TMPRSS2: variants seen among roughly 807,000 people sequenced by gnomAD.
The protein encoded by TMPRSS2 is transmembrane protease serine 2.
A neutral mutation model predicts 67.4 loss-of-function variants in TMPRSS2; 59 were observed. The ratio of observed to expected loss-of-function variants is 0.88; its 90% CI spans 0.71 to 1.09. The LOEUF is 1.09. Ranked by LOEUF, TMPRSS2 falls within the 50% of genes least tolerant of loss-of-function variation. The probability of loss-of-function intolerance (pLI) is 0.00; values close to 1 mark genes in which losing one functional copy is unlikely to be tolerated. For synonymous variants in TMPRSS2, 257 were observed against 257.0 expected, an observed-to-expected ratio of 1.00 and a Z score of 0.00; for missense variants, 668 against 642.7, an observed-to-expected ratio of 1.04 and a Z score of -0.43.
At chr21:41,468,589 A>G (rs375377276) in intron 11 of TMPRSS2, 51 bp from the exon 12 acceptor site, 63 of 1,603,520 alleles carry the variant, frequency 3.9e-5, no homozygotes, top group Non-Finnish European at 4.9e-5. Flanking sequence ...CAGCTCTCGC[A>G]GGGAGAGCAC....
intron 6 of TMPRSS2, 40 bp from the exon 7 acceptor site, chr21:41,479,322 T>A (rs2091239136): frequency 6.8e-7 from 1 of 1,472,308 alleles, no homozygotes. Context: ...GGTTAAGGCA[T>A]AAGCAAACAC....
rs577944614 is a variant in TMPRSS2 at position 41,491,134 on chromosome 21, G to C, written c.239-1541C>G. On this transcript the variant is annotated intron_variant, in intron 3 of 13. Transcript: ENST00000332149. Reference sequence around the variant, plus strand: ...AGATTCTGTTTCAGTTGGGGGTCGGGCATGAATCTGCATTGCATTTTTTTT... The same window carrying C: ...AGATTCTGTTTCAGTTGGGGGTCGGCCATGAATCTGCATTGCATTTTTTTT... Among the ~76,000 whole-genome samples, 23 of 150,042 alleles carry C rather than the reference G, an allele frequency of 1.5e-4. No homozygotes were observed. The South Asian group carries it at 4.6e-3, about 30-fold the overall frequency.
At position 41,508,090 on chromosome 21, in the gene TMPRSS2, T is replaced by A. The variant is rs1343011268; in HGVS notation, c.-66A>T. 8.1e-7 allele frequency: 1 copy of A among 1,238,180 alleles called. No homozygotes were observed. The highest frequency in any genetic ancestry group is 1.0e-6 in the Non-Finnish European group (1 of 971,562). 76.7% of individuals were successfully genotyped at this position (1,238,180 alleles called of 1,614,324 possible). A position where few individuals can be genotyped will look rare whatever the true frequency, so the allele number is the denominator to read the frequency against. On this transcript the variant is annotated 5_prime_UTR_variant, in exon 1 of 14. Coordinates refer to ENST00000332149, the MANE Select transcript of TMPRSS2 (RefSeq NM_005656.4). ...TACCGGCGCCGCTCACCTGCCGCGC[T>A]CCAGGCGGCGCTCCCCGCCCCTCGC...
At chr21:41,489,197 TG>T (rs2146468741) in intron 4 of TMPRSS2, among the ~76,000 whole-genome samples, 1 of 152,316 alleles carries the variant, frequency 6.6e-6, no homozygotes, top group South Asian at 2.1e-4. Context: ...GGGGTGGGCC[TG>T]GTCCCCAACA....
intron 1 of TMPRSS2, 69 bp downstream of exon 1, chr21:41,508,012 T>C (rs1019451298): frequency 7.4e-7 from 1 of 1,355,318 alleles, no homozygotes; most frequent in Non-Finnish European, 9.4e-7. Flanking sequence ...CATCGGCGGG[T>C]CCCAGGCGCC....
rs758503592 is a variant in TMPRSS2, at chr21:41,473,363, G to A, written c.861C>T (p.Thr287=). 2.5e-6 allele frequency: 4 copies of A among 1,609,302 alleles called. No homozygotes were observed. The highest frequency in any genetic ancestry group is 3.4e-6 in the Non-Finnish European group (4 of 1,179,004). The change falls in exon 9 of 14, where the codon ACC becomes ACT. Residue 287 remains threonine, a synonymous_variant. Coordinates refer to ENST00000332149, the MANE Select transcript of TMPRSS2 (RefSeq NM_005656.4). The part of the protein sequence containing the change: ...NVHVCGGSII[T]PEWIVTAAHC... ...GGGCGGCTGTCACGATCCACTCGGG[G>A]GTGATGATGGAGCCTCCGCACACGT... is the stretch of plus-strand genomic sequence containing the variant.
At chr21:41,480,393 C>A (rs734056) in intron 6 of TMPRSS2, 83 bp downstream of exon 6, 709,501 of 1,565,296 alleles carry the variant, frequency 0.45, 170,381 homozygotes, top group Non-Finnish European at 0.5. Flanking sequence ...TGTGCCGGTG[C>A]TTTCACAGGG....
chr21:41,471,685 G>A (rs2091134659), intron 10 of TMPRSS2, 121 bp downstream of exon 10: 5 of 1,190,608 alleles, frequency 4.2e-6, no homozygotes, highest in Non-Finnish European at 5.8e-6. Context: ...GCCACCCGCT[G>A]CACGCTACCC....
At position 41,465,968 on chromosome 21, in the gene TMPRSS2, G is replaced by A. The variant is rs2091079835; in HGVS notation, c.*174C>T. Reference sequence around the variant, plus strand: ...GGTTAGGGAGAGCAGGCTGGGCAGGGGAGCCACTGCAGCCTGCACAGAATG... The same window carrying A: ...GGTTAGGGAGAGCAGGCTGGGCAGGAGAGCCACTGCAGCCTGCACAGAATG... On this transcript the variant is annotated 3_prime_UTR_variant, in exon 14 of 14. Transcript: ENST00000332149. The A allele has an allele frequency of 2.7e-6, 2 of 740,636 alleles. No individual in the cohort carries two copies. Among genetic ancestry groups the A allele is most frequent in the Admixed American group, 2.8e-5 (1 of 35,648 alleles). 45.9% of individuals were successfully genotyped at this position (740,636 alleles called of 1,614,324 possible).
Position 41,499,244 on chromosome 21 carries a change from G to C in TMPRSS2, c.-56-1055C>G, listed in dbSNP as rs556386648. 3.9e-5 allele frequency among the ~76,000 whole-genome samples: 6 copies of C among 152,318 alleles called. No homozygotes were observed. In the East Asian group the frequency reaches 1.2e-3, roughly 29 times the overall value. On this transcript the variant is annotated intron_variant, in intron 1 of 13. Transcript: ENST00000332149. Reference sequence around the variant, plus strand: ...AAGAAAGCTGTGGGCCATTTTGCTTGTTGTCCTTTGTGAACAGTTAACAAT... The same window carrying C: ...AAGAAAGCTGTGGGCCATTTTGCTTCTTGTCCTTTGTGAACAGTTAACAAT...
intron 9 of TMPRSS2, 52 bp from the exon 10 acceptor site, chr21:41,472,033 AGT>A (rs1569010822): frequency 2.0e-6 from 3 of 1,490,932 alleles, no homozygotes; most frequent in Non-Finnish European, 2.7e-6. Flanking sequence ...CAGAGCTCTC[AGT>A]GGATGAACTT....
At chr21:41,491,151 A>AAT (rs1423775644) in intron 3 of TMPRSS2, among the ~76,000 whole-genome samples, 2 of 106,592 alleles carry the variant, frequency 1.9e-5, no homozygotes, top group Non-Finnish European at 3.7e-5. Context: ...TCTGCATTGC[A>AAT]TTTTTTTTTT....
chr21:41,494,750 T>TA, intron 2 of TMPRSS2, 172 bp from the exon 3 acceptor site: 1 of 758,996 alleles, frequency 1.3e-6, no homozygotes, highest in Non-Finnish European at 2.3e-6. Context: ...CAGTTAGAGA[T>TA]TAATAAGAAA....
chr21:41,488,511 C>A lies in TMPRSS2; in HGVS notation c.328G>T (p.Gly110Cys), dbSNP rs2146467320. 6.2e-7 allele frequency: 1 copy of A among 1,611,868 alleles called. No individual in the cohort carries two copies. Among genetic ancestry groups the A allele is most frequent in the South Asian group, 1.1e-5 (1 of 90,842 alleles). ...LAAGLLWKFM[G>C]SKCSNSGIEC... is the part of the protein sequence containing the mutation. The stretch of plus-strand genomic sequence containing the variant: ...ATCCCAGAGTTGGAGCACTTGCTGC[C>A]CACTTGCAGAGAAAACAGAAGAGAG... Residue 110 changes from glycine (G) to cysteine (C), a missense_variant and splice_region_variant, in exon 5 of 14, where the codon GGC (glycine) becomes TGC (cysteine). Gly to Cys is a radical substitution (Grantham distance 159). Coordinates refer to ENST00000332149, the MANE Select transcript of TMPRSS2 (RefSeq NM_005656.4).
At chr21:41,469,505 T>TCTGG (rs2091112834) in intron 11 of TMPRSS2, among the ~76,000 whole-genome samples, 1 of 152,144 alleles carries the variant, frequency 6.6e-6, no homozygotes, top group African/African-American at 2.4e-5. Context: ...ACCTATGCAA[T>TCTGG]CTGGCCCCAG....
Position 41,467,938 on chromosome 21 carries a change from G to A in TMPRSS2, c.1315-52C>T, listed in dbSNP as rs147359020. 5.4e-3 allele frequency: 8,662 copies of A among 1,606,452 alleles called. 111 individuals are homozygous for A. The highest frequency in any genetic ancestry group is 0.041 in the South Asian group (3,675 of 90,406). On this transcript the variant is annotated intron_variant, in intron 12 of 13. Coordinates refer to ENST00000332149, the MANE Select transcript of TMPRSS2 (RefSeq NM_005656.4). ...GCAGAAAATCAAGTCACAATCTGCC[G>A]CACACCACTGACCAGGCCTAGAGGA...
chr21:41,484,419 C>T (rs558715322), intron 5 of TMPRSS2, among the ~76,000 whole-genome samples: 1 of 152,318 alleles, frequency 6.6e-6, no homozygotes, highest in African/African-American at 2.4e-5. Context: ...TGCGCACACA[C>T]ACCCTTGGGA....
At chr21:41,489,250 C>T (rs1305955467) in intron 4 of TMPRSS2, among the ~76,000 whole-genome samples, 1 of 152,152 alleles carries the variant, frequency 6.6e-6, no homozygotes, top group Non-Finnish European at 1.5e-5. Context: ...GGGTGTGGCC[C>T]CAAGGTAGAA....
In TMPRSS2 at chr21:41,473,376, C is replaced by G. The variant is rs544474510; in HGVS notation, c.848G>C (p.Gly283Ala). The stretch of plus-strand genomic sequence containing the variant: ...GATCCACTCGGGGGTGATGATGGAG[C>G]CTCCGCACACGTGGACGTTCTGGAC... ...LHVQNVHVCGGSIITPEWIVT... is the reference protein window; with the variant it reads ...LHVQNVHVCGASIITPEWIVT... The change falls in exon 9 of 14, where the codon GGC becomes GCC. Residue 283 changes from glycine (G) to alanine (A), a missense_variant. Coordinates refer to ENST00000332149, the MANE Select transcript of TMPRSS2 (RefSeq NM_005656.4). 3 of 1,609,966 alleles carry G rather than the reference C, an allele frequency of 1.9e-6. No homozygotes were observed. Among genetic ancestry groups the G allele is most frequent in the East Asian group, 4.5e-5 (2 of 44,822 alleles).
Sources: allele counts gnomAD v4.1 joint callset (sites outside exome capture counted in the v4.1 genomes callset), GRCh38; gene constraint gnomAD v4.1.1; transcripts MANE v1.5; gene names NCBI Gene and HGNC (gene_info 2026-07-23, HGNC 2026-07-21).